The following EDIL3 variants were observed in gnomAD, a reference collection of about 807,000 sequenced individuals.
EDIL3 encodes the protein EGF-like repeat and discoidin I-like domain-containing protein 3.
In EDIL3, 37 loss-of-function variants were observed where a neutral mutation model predicts 67.4. The ratio of observed to expected loss-of-function variants is 0.55; its 90% CI spans 0.42 to 0.72. The LOEUF (loss-of-function observed/expected upper bound fraction) is 0.72, where lower values mean the gene tolerates loss of function less well. Among genes scored for constraint, EDIL3 ranks in the 30% least tolerant of loss-of-function variants. EDIL3 has a pLI of 0.00. For synonymous variants in EDIL3, 195 were observed against 196.3 expected (o/e 0.99, Z 0.05); for missense variants, 527 against 586.3 (o/e 0.90, Z 1.04).
At chr5:84,323,114 C>T (rs952758763) in intron 1 of EDIL3, among the ~76,000 whole-genome samples, 1 of 152,008 alleles carries the variant, frequency 6.6e-6, no homozygotes, top group African/African-American at 2.4e-5. Context: ...GATATTAATA[C>T]ACTTTTTTAA....
Position 84,058,660 on chromosome 5 carries a change from A to C in EDIL3, c.1137+1640T>G, listed in dbSNP as rs146508604. ...AGAAGAAGTGTGACCAGGAAAGGACATTGGGAAACATCTGCTACGAGGATG... is the reference window on the plus strand; with the variant it reads ...AGAAGAAGTGTGACCAGGAAAGGACCTTGGGAAACATCTGCTACGAGGATG... On this transcript the variant is annotated intron_variant, in intron 9 of 10. Coordinates refer to ENST00000296591, the MANE Select transcript of EDIL3 (RefSeq NM_005711.5). Among the ~76,000 whole-genome samples the C allele has an allele frequency of 3.3e-5, 5 of 152,262 alleles. No homozygotes were observed. The East Asian group carries it at 7.7e-4, about 24-fold the overall frequency.
chr5:84,100,367 G>A (rs368910552), intron 6 of EDIL3, among the ~76,000 whole-genome samples: 4 of 151,848 alleles, frequency 2.6e-5, no homozygotes, highest in African/African-American at 4.8e-5. Flanking sequence ...AATGAGGCAC[G>A]TATACACCAT....
intron 1 of EDIL3, among the ~76,000 whole-genome samples, chr5:84,339,237 A>G (rs1747047370): frequency 6.6e-6 from 1 of 152,194 alleles, no homozygotes; most frequent in Non-Finnish European, 1.5e-5. Context: ...TACTGTTAAT[A>G]TAACAGGGAT....
rs1412758900 is a variant in EDIL3 at position 84,017,913 on chromosome 5, G to A, written c.1137+42387C>T. On this transcript the variant is annotated intron_variant, in intron 9 of 10. Transcript: ENST00000296591. ...TCTGTTAATATTGATCATAAATTGT[G>A]TCACTTCCAGGAAAGGTTCCCTAAT... is the stretch of plus-strand genomic sequence containing the variant. Among the ~76,000 whole-genome samples the A allele has an allele frequency of 7.9e-5, 12 of 152,188 alleles. No individual in the cohort carries two copies. In the East Asian group the frequency reaches 1.5e-3, roughly 20 times the overall value.
intron 1 of EDIL3, among the ~76,000 whole-genome samples, chr5:84,294,035 A>T (rs1001074169): frequency 6.6e-6 from 1 of 151,992 alleles, no homozygotes; most frequent in Non-Finnish European, 1.5e-5. Flanking sequence ...AAACTTACAT[A>T]CTGTAAAATT....
At chr5:84,250,938 G>C (rs983913884) in intron 2 of EDIL3, among the ~76,000 whole-genome samples, 15 of 152,068 alleles carry the variant, frequency 9.9e-5, no homozygotes, top group Admixed American at 1.3e-4. Flanking sequence ...ATACAGACTA[G>C]TGACAGCTCA....
At position 83,941,474 on chromosome 5, in the gene EDIL3, T is replaced by A. The variant is rs1223499154; in HGVS notation, c.*1945A>T. 2 of 152,028 alleles carry A rather than the reference T, an allele frequency of 1.3e-5. No homozygotes were observed. Among genetic ancestry groups the A allele is most frequent in the Non-Finnish European group, 2.9e-5 (2 of 67,926 alleles). The allele number at this position is 152,028 out of a possible 1,614,324, so 9.4% of individuals were successfully genotyped here. A position where few individuals can be genotyped will look rare whatever the true frequency, so the allele number is the denominator to read the frequency against. On this transcript the variant is annotated 3_prime_UTR_variant, in exon 11 of 11. Coordinates refer to ENST00000296591, the MANE Select transcript of EDIL3 (RefSeq NM_005711.5). The stretch of plus-strand genomic sequence containing the variant: ...TTAAAAATACACTCTTAAGAAGGTA[T>A]GTAATTTGCAAAGGAAAATGGCTAG...
chr5:84,108,935 T>C (rs1747509828), intron 5 of EDIL3, among the ~76,000 whole-genome samples: 1 of 152,194 alleles, frequency 6.6e-6, no homozygotes, highest in Non-Finnish European at 1.5e-5. Flanking sequence ...CTAAAGACCT[T>C]ATGCTGAATT....
intron 1 of EDIL3, among the ~76,000 whole-genome samples, chr5:84,366,300 C>T (rs939859660): frequency 5.9e-5 from 9 of 152,158 alleles, no homozygotes; most frequent in Non-Finnish European, 1.5e-5. Flanking sequence ...TCATATCCAT[C>T]ATGGGCCACA....
intron 4 of EDIL3, among the ~76,000 whole-genome samples, chr5:84,179,535 C>A (rs73769767): frequency 6.6e-6 from 1 of 152,128 alleles, no homozygotes; most frequent in Non-Finnish European, 1.5e-5. Flanking sequence ...TGCTTGGATA[C>A]AGCTCTCGCT....
At chr5:84,008,311 A>G (rs1193315909) in intron 9 of EDIL3, among the ~76,000 whole-genome samples, 3 of 152,198 alleles carry the variant, frequency 2.0e-5, no homozygotes, top group Non-Finnish European at 4.4e-5. Flanking sequence ...TAATACCAAG[A>G]AAGGATAAAT....
intron 9 of EDIL3, among the ~76,000 whole-genome samples, chr5:84,025,086 C>A (rs954120270): frequency 9.2e-5 from 14 of 152,228 alleles, no homozygotes; most frequent in Non-Finnish European, 1.9e-4. Context: ...TATGTCCCCA[C>A]CCTTAAATGT....
Position 84,322,064 on chromosome 5 carries a change from T to TATA in EDIL3, c.67+62241_67+62243dup, listed in dbSNP as rs531147730. Among the ~76,000 whole-genome samples the TATA allele has an allele frequency of 2.4e-3, 361 of 150,480 alleles. 4 individuals carry two copies. The East Asian group carries it at 0.037, about 15-fold the overall frequency. ...CATGAAAATTAAACAATAATAATGA[T>TATA]ATAATAATAATAATAATAATAAGCA... On this transcript the variant is annotated intron_variant, in intron 1 of 10. Transcript: ENST00000296591.
intron 5 of EDIL3, among the ~76,000 whole-genome samples, chr5:84,136,961 C>A (rs1046652778): frequency 3.9e-5 from 6 of 152,028 alleles, no homozygotes; most frequent in Non-Finnish European, 7.4e-5. Context: ...TGTTATCATT[C>A]TTTTCAGGTC....
intron 1 of EDIL3, among the ~76,000 whole-genome samples, chr5:84,307,185 G>A (rs754189622): frequency 5.8e-4 from 89 of 152,158 alleles, no homozygotes; most frequent in Middle Eastern, 3.2e-3. Context: ...GAGAGAAGTA[G>A]GGTTAGTCAA....
chr5:84,382,798 T>C (rs1427141087), intron 1 of EDIL3, among the ~76,000 whole-genome samples: 2 of 152,066 alleles, frequency 1.3e-5, no homozygotes, highest in Non-Finnish European at 2.9e-5. Context: ...GCCTATTAAC[T>C]GGAAGGGCAC....
chr5:84,039,601 A>G (rs955777926), intron 9 of EDIL3, among the ~76,000 whole-genome samples: 2 of 152,208 alleles, frequency 1.3e-5, no homozygotes, highest in Admixed American at 6.5e-5. Flanking sequence ...TATCAGCATC[A>G]TAACTTAGAT....
At position 84,285,325 on chromosome 5, in the gene EDIL3, T is replaced by C. The variant is rs73142682; in HGVS notation, c.68-31113A>G. Among the ~76,000 whole-genome samples, 721 of 152,320 alleles carry C rather than the reference T, an allele frequency of 4.7e-3. 5 individuals are homozygous for C. Among genetic ancestry groups the C allele is most frequent in the African/African-American group, 0.017 (694 of 41,572 alleles). On this transcript the variant is annotated intron_variant, in intron 1 of 10. Transcript: ENST00000296591. ...TGTATGCAAATCCATATTACATATG[T>C]TTGTGTGAATGATATTTATCTAGCC...
chr5:83,941,463 T>C lies in EDIL3; in HGVS notation c.*1956A>G, dbSNP rs1256260563. The C allele has an allele frequency of 1.3e-5, 2 of 151,968 alleles. No individual in the cohort carries two copies. Among genetic ancestry groups the C allele is most frequent in the Admixed American group, 1.3e-4 (2 of 15,246 alleles). 9.4% of individuals were successfully genotyped at this position (151,968 alleles called of 1,614,324 possible). On this transcript the variant is annotated 3_prime_UTR_variant, in exon 11 of 11. Transcript: ENST00000296591. ...AAGTAATAATCTTAAAAATACACTC[T>C]TAAGAAGGTATGTAATTTGCAAAGG...
Sources: allele counts gnomAD v4.1 joint callset (sites outside exome capture counted in the v4.1 genomes callset), GRCh38; gene constraint gnomAD v4.1.1; transcripts MANE v1.5; gene names NCBI Gene and HGNC (gene_info 2026-07-23, HGNC 2026-07-21).